UBR3: variants seen among roughly 807,000 people sequenced by gnomAD.
UBR3 encodes E3 ubiquitin-protein ligase UBR3.
Under a neutral mutation model 243.2 loss-of-function variants are expected in UBR3, and 85 were observed. That is an observed-to-expected ratio of 0.35 (90% CI 0.29 to 0.42). The LOEUF is 0.42. UBR3 is among the 10% of genes least tolerant of loss of function. UBR3 has a pLI of 1.00. For missense variants in UBR3, 1,686 were observed against 2,300.8 expected (o/e 0.73, Z 5.47); for synonymous variants, 748 against 799.8 (o/e 0.94, Z 1.09).
chr2:169,844,341 C>T (rs2082396085), intron 1 of UBR3, among the ~76,000 whole-genome samples: 1 of 151,984 alleles, frequency 6.6e-6, no homozygotes, highest in South Asian at 2.1e-4. Context: ...TTATTCAGTA[C>T]TTTTTTTTCT....
intron 1 of UBR3, among the ~76,000 whole-genome samples, chr2:169,857,397 A>G (rs970066292): frequency 1.3e-5 from 2 of 151,666 alleles, no homozygotes; most frequent in Non-Finnish European, 2.9e-5. Context: ...TACTTTATGT[A>G]ATGTCAGTTT....
chr2:170,023,411 AT>A (rs35819029), intron 30 of UBR3, among the ~76,000 whole-genome samples: 98,245 of 146,742 alleles, frequency 0.67, 32,714 homozygotes, highest in East Asian at 0.83. Context: ...ATTTATGAAA[AT>A]TTTTTTTTTT....
intron 1 of UBR3, among the ~76,000 whole-genome samples, chr2:169,867,865 C>A (rs946752829): frequency 6.6e-6 from 1 of 152,138 alleles, no homozygotes; most frequent in East Asian, 1.9e-4. Flanking sequence ...TAAAGCAATT[C>A]CCCCAAATCG....
rs541282861 is a variant in UBR3 at position 170,083,247 on chromosome 2, C to G, written c.*1404C>G. ...GACATTACAAGAGTATAAAAATGGA[C>G]ATTAAATCATGGCCTTGCATTAAAA... On this transcript the variant is annotated 3_prime_UTR_variant, in exon 39 of 39. Coordinates refer to ENST00000272793, the MANE Select transcript of UBR3 (RefSeq NM_172070.4). 1 of 152,362 alleles carries G rather than the reference C, an allele frequency of 6.6e-6. No homozygotes were observed. Among genetic ancestry groups the G allele is most frequent in the African/African-American group, 2.4e-5 (1 of 41,364 alleles). The allele number at this position is 152,362 out of a possible 1,614,324, so 9.4% of individuals were successfully genotyped here.
intron 8 of UBR3, among the ~76,000 whole-genome samples, chr2:169,899,735 G>A (rs1157433777): frequency 1.3e-5 from 2 of 152,064 alleles, no homozygotes; most frequent in African/African-American, 4.8e-5. Flanking sequence ...CCACTTATGA[G>A]TGAAAACATG....
intron 11 of UBR3, among the ~76,000 whole-genome samples, chr2:169,921,497 C>T (rs1391330754): frequency 6.6e-6 from 1 of 152,158 alleles, no homozygotes; most frequent in Non-Finnish European, 1.5e-5. Flanking sequence ...AGAATGTGAA[C>T]ATAGGATATG....
chr2:169,927,270 TA>T, intron 16 of UBR3, 49 bp from the exon 17 acceptor site: 1 of 1,472,174 alleles, frequency 6.8e-7, no homozygotes, highest in South Asian at 1.3e-5. Flanking sequence ...TTTTTTTCTT[TA>T]TAATTTATGT....
rs1453666270 is a variant in UBR3 at position 169,926,055 on chromosome 2, G to A, written c.2151+308G>A. Among the ~76,000 whole-genome samples the A allele has an allele frequency of 2.6e-5, 4 of 152,248 alleles. No homozygotes were observed. In the East Asian group the frequency reaches 7.7e-4, roughly 29 times the overall value. On this transcript the variant is annotated intron_variant, in intron 14 of 38. Transcript: ENST00000272793. ...TGGCTAATTTGAATAATTCCAGCAG[G>A]CTTTGAGGCATAGGGGCTGTATCTG...
intron 27 of UBR3, among the ~76,000 whole-genome samples, chr2:170,002,576 C>T (rs1051771623): frequency 1.3e-5 from 2 of 152,194 alleles, no homozygotes; most frequent in African/African-American, 4.8e-5. Flanking sequence ...CTTTGCTACT[C>T]TTTGAGGTAG....
intron 32 of UBR3, among the ~76,000 whole-genome samples, chr2:170,045,761 C>T (rs932575948): frequency 2.0e-5 from 3 of 152,098 alleles, no homozygotes; most frequent in Admixed American, 6.6e-5. Context: ...CTTATTCCCT[C>T]CTCCCTCCCA....
rs2090943467 is a variant in UBR3 at position 170,040,620 on chromosome 2, T to TAATC, written c.4557-259_4557-256dup. ...TGTAATCTAAGATCAGAAACACTCA[T>TAATC]AATCAAGTTAATGTATCCTAATTGT... On this transcript the variant is annotated intron_variant, in intron 31 of 38. Transcript: ENST00000272793. 5.9e-5 allele frequency among the ~76,000 whole-genome samples: 9 copies of TAATC among 152,334 alleles called. No homozygotes were observed. The South Asian group carries it at 1.9e-3, about 32-fold the overall frequency.
At chr2:169,969,559 T>G (rs564134450) in intron 24 of UBR3, among the ~76,000 whole-genome samples, 33 of 151,484 alleles carry the variant, frequency 2.2e-4, no homozygotes, top group East Asian at 2.1e-3. Context: ...TTTTTTTTTT[T>G]TTTTTGTTAG....
Position 169,986,706 on chromosome 2 carries a change from A to G in UBR3, c.3696A>G (p.Ala1232=). ...ITTAEPQVSE[A]VYDCVICGQS... ...CGGCAGAACCACAGGTTTCCGAGGC[A>G]GTATATGACTGTGTTATTTGTGGAC... The change falls in exon 25 of 39, where the codon GCA becomes GCG. Residue 1232 remains alanine, a synonymous_variant. Transcript: ENST00000272793. The G allele has an allele frequency of 1.2e-6, 2 of 1,613,980 alleles. No individual in the cohort carries two copies. The highest frequency in any genetic ancestry group is 1.1e-5 in the South Asian group (1 of 91,050).
intron 1 of UBR3, among the ~76,000 whole-genome samples, chr2:169,837,728 A>G (rs2082155198): frequency 6.6e-6 from 1 of 152,182 alleles, no homozygotes; most frequent in African/African-American, 2.4e-5. Flanking sequence ...CCCATCATCC[A>G]GTTACCTCCA....
chr2:170,074,678 T>G (rs1323435817), intron 36 of UBR3, among the ~76,000 whole-genome samples: 1 of 152,216 alleles, frequency 6.6e-6, no homozygotes, highest in East Asian at 1.9e-4. Context: ...CATTTACCTT[T>G]GCTAAGATAA....
At chr2:170,064,337 A>G (rs2091510690) in intron 35 of UBR3, among the ~76,000 whole-genome samples, 1 of 152,080 alleles carries the variant, frequency 6.6e-6, no homozygotes. Context: ...TTGTACTTTT[A>G]GAATCTTATT....
rs560815916 is a variant in UBR3, at chr2:169,987,715, A to G, written c.3784+921A>G. Among the ~76,000 whole-genome samples, 7 of 152,192 alleles carry G rather than the reference A, an allele frequency of 4.6e-5. No individual in the cohort carries two copies. In the South Asian group the frequency reaches 8.3e-4, roughly 18 times the overall value. ...TCACAATAAATTTAATCCTTTTCCA[A>G]CAAGAGTATGTGTAAAATAAAGAGA... On this transcript the variant is annotated intron_variant, in intron 25 of 38. Coordinates refer to ENST00000272793, the MANE Select transcript of UBR3 (RefSeq NM_172070.4).
chr2:169,835,251 C>G (rs541878341), intron 1 of UBR3, among the ~76,000 whole-genome samples: 4 of 151,978 alleles, frequency 2.6e-5, no homozygotes, highest in South Asian at 2.1e-4. Flanking sequence ...CAGCTACTCC[C>G]GAGGCTGAGT....
chr2:169,833,498 T>TA (rs1469692916), intron 1 of UBR3, among the ~76,000 whole-genome samples: 1 of 152,202 alleles, frequency 6.6e-6, no homozygotes. Flanking sequence ...TTAAATTGGA[T>TA]AAAAAAGTGG....
Sources: allele counts gnomAD v4.1 joint callset (sites outside exome capture counted in the v4.1 genomes callset), GRCh38; gene constraint gnomAD v4.1.1; transcripts MANE v1.5; gene names NCBI Gene and HGNC (gene_info 2026-07-23, HGNC 2026-07-21).